TBC1D9B: variants seen among roughly 807,000 people sequenced by gnomAD.
TBC1D9B encodes the protein TBC1 domain family member 9B.
TBC1D9B carries 87 observed loss-of-function variants against 121.1 expected under a neutral mutation model. The ratio of observed to expected loss-of-function variants is 0.72; its 90% CI spans 0.60 to 0.86. The LOEUF (loss-of-function observed/expected upper bound fraction) is 0.86. Among genes scored for constraint, TBC1D9B ranks in the 40% least tolerant of loss-of-function variants. The pLI is 0.00. For missense variants in TBC1D9B, 1,540 were observed against 1,628.6 expected, an observed-to-expected ratio of 0.95 and a Z score of 0.94; for synonymous variants, 668 against 670.1, an observed-to-expected ratio of 1.00 and a Z score of 0.05.
rs1333173737 is a variant in TBC1D9B, at chr5:179,879,753, C to T, written c.1291G>A (p.Ala431Thr). Residue 431 changes from alanine to threonine, a missense_variant, in exon 8 of 21, where the codon GCC becomes ACC. Ala to Thr is a moderately conservative substitution (Grantham distance 58, BLOSUM62 0). Coordinates refer to ENST00000355235, the MANE Select transcript of TBC1D9B (RefSeq NM_015043.4). ...PAPQEGSEQPASPASPLSSRQ... is the reference protein window; with the variant it reads ...PAPQEGSEQPTSPASPLSSRQ... ...CTGCTGAGGGGAGAGGCTGGGCTGG[C>T]GGGCTGCTCCGACCCCTCCTGAGGA... 1.1e-5 allele frequency: 18 copies of T among 1,613,592 alleles called. No homozygotes were observed. Among genetic ancestry groups the T allele is most frequent in the African/African-American group, 2.7e-5 (2 of 74,932 alleles).
In TBC1D9B at chr5:179,891,361, C is replaced by T. The variant is rs1760855310; in HGVS notation, c.1044+18G>A. 1 of 1,613,930 alleles carries T rather than the reference C, an allele frequency of 6.2e-7. No individual in the cohort carries two copies. The highest frequency in any genetic ancestry group is 8.5e-7 in the Non-Finnish European group (1 of 1,179,988). On this transcript the variant is annotated intron_variant, in intron 6 of 20. Coordinates refer to ENST00000355235, the MANE Select transcript of TBC1D9B (RefSeq NM_015043.4). The surrounding 1 kb of genome is among the most constrained non-coding windows in gnomAD (Gnocchi z 4.3). The stretch of plus-strand genomic sequence containing the variant: ...CGGGGCTGGAAAGGCCTTGGCCTCT[C>T]AACTAGGGGATGCTGACCTCCCTCA...
rs1761363414 is a variant in TBC1D9B at position 179,907,659 on chromosome 5, C to T, written c.118+45G>A. The T allele has an allele frequency of 1.1e-6, 1 of 950,242 alleles. No homozygotes were observed. Among genetic ancestry groups the T allele is most frequent in the Non-Finnish European group, 1.3e-6 (1 of 799,492 alleles). 58.9% of individuals were successfully genotyped at this position (950,242 alleles called of 1,614,324 possible). ...CGCCCGCCGCCAGCCCCGCCGCCAG[C>T]CCAGCCGCGGCGCCCACAGGCCCGG... On this transcript the variant is annotated intron_variant, in intron 1 of 20. Coordinates refer to ENST00000355235, the MANE Select transcript of TBC1D9B (RefSeq NM_015043.4). This position sits in a 1 kb window ranked among gnomAD's most constrained non-coding sequence, Gnocchi z 5.3.
intron 1 of TBC1D9B, among the ~76,000 whole-genome samples, chr5:179,906,887 G>A (rs533121100): frequency 2.6e-5 from 4 of 152,378 alleles, no homozygotes; most frequent in African/African-American, 9.6e-5. Context: ...GCCCCGAAGA[G>A]CACAGGCACT....
In TBC1D9B at chr5:179,863,493, C is replaced by A. The variant is rs559074520; in HGVS notation, c.3657G>T (p.Gln1219His). 6.2e-6 allele frequency: 10 copies of A among 1,614,204 alleles called. No individual in the cohort carries two copies. In the African/African-American group the frequency reaches 9.3e-5, roughly 15 times the overall value. ...GCTCATGGTCACTGGCGGTGCTGAA[C>A]TGTCTCTCCACTTTCTTTTGGTCCT... ...KIKDQKKVER[Q>H]FSTASDHEQP... The change falls in exon 21 of 21, where the codon CAG (glutamine) becomes CAT (histidine). Residue 1219 changes from glutamine (Q) to histidine (H), a missense_variant. Coordinates refer to ENST00000355235, the MANE Select transcript of TBC1D9B (RefSeq NM_015043.4). This position sits in a 1 kb window ranked among gnomAD's most constrained non-coding sequence, Gnocchi z 4.5.
At chr5:179,882,088 G>C (rs549031250) in intron 7 of TBC1D9B, among the ~76,000 whole-genome samples, 1 of 152,066 alleles carries the variant, frequency 6.6e-6, no homozygotes, top group Non-Finnish European at 1.5e-5. Context: ...GGGATTACAG[G>C]TGTGTGCCAC....
At chr5:179,869,253 G>A (rs1237086038) in intron 17 of TBC1D9B, 3 of 274,682 alleles carry the variant, frequency 1.1e-5, no homozygotes, top group East Asian at 2.0e-4. Flanking sequence ...CCTCCTTGGA[G>A]CATTGTCCAT....
At chr5:179,868,115 G>A in intron 17 of TBC1D9B, 1 of 284,172 alleles carries the variant, frequency 3.5e-6, no homozygotes, top group Non-Finnish European at 6.5e-6. Context: ...TCAGCTCACT[G>A]CAAGCTCCGC....
chr5:179,886,573 C>A (rs1443454611), intron 7 of TBC1D9B, among the ~76,000 whole-genome samples: 1 of 152,234 alleles, frequency 6.6e-6, no homozygotes, highest in Non-Finnish European at 1.5e-5. Flanking sequence ...CACCCCTTCC[C>A]ATGCGCTCAC....
chr5:179,887,229 A>G (rs1760715576), intron 7 of TBC1D9B, among the ~76,000 whole-genome samples: 1 of 152,256 alleles, frequency 6.6e-6, no homozygotes. Context: ...CGCTGGATCC[A>G]GGCATATTCT....
At chr5:179,884,455 T>C (rs1760623418) in intron 7 of TBC1D9B, 1 of 152,146 alleles carries the variant, frequency 6.6e-6, no homozygotes, top group African/African-American at 2.4e-5. Context: ...GGATAGAGCA[T>C]AGCACGGAGG....
At chr5:179,876,931 C>T (rs1006305543) in intron 10 of TBC1D9B, among the ~76,000 whole-genome samples, 6 of 150,614 alleles carry the variant, frequency 4.0e-5, no homozygotes, top group Admixed American at 3.3e-4. Context: ...AGTAACTGGG[C>T]GTGGTGGTGT....
At chr5:179,883,317 T>G (rs1042322573) in intron 7 of TBC1D9B, among the ~76,000 whole-genome samples, 3 of 152,260 alleles carry the variant, frequency 2.0e-5, no homozygotes, top group Admixed American at 2.0e-4. Context: ...TTCTATTATC[T>G]GTTATTCCAC....
chr5:179,862,252 G>C lies in TBC1D9B; in HGVS notation c.*1196C>G, dbSNP rs1392459584. ...GTTTTAGATATCCACTGTATCCCCT[G>C]TGGATAAGGGGGTAACTGCTGTATC... On this transcript the variant is annotated 3_prime_UTR_variant, in exon 21 of 21. Coordinates refer to ENST00000355235, the MANE Select transcript of TBC1D9B (RefSeq NM_015043.4). 2 of 240,052 alleles carry C rather than the reference G, an allele frequency of 8.3e-6. No homozygotes were observed. Among genetic ancestry groups the C allele is most frequent in the East Asian group, 1.7e-4 (2 of 11,980 alleles). 14.9% of individuals were successfully genotyped at this position (240,052 alleles called of 1,614,324 possible).
chr5:179,863,947 T>C lies in TBC1D9B; in HGVS notation c.3203A>G (p.Glu1068Gly), dbSNP rs751743000. The C allele has an allele frequency of 6.2e-7, 1 of 1,613,870 alleles. No individual in the cohort carries two copies. The highest frequency in any genetic ancestry group is 1.1e-5 in the South Asian group (1 of 91,080). The change falls in exon 21 of 21, where the codon GAG becomes GGG. Residue 1068 changes from glutamate (E) to glycine (G), a missense_variant. Coordinates refer to ENST00000355235, the MANE Select transcript of TBC1D9B (RefSeq NM_015043.4). This position sits in a 1 kb window ranked among gnomAD's most constrained non-coding sequence, Gnocchi z 4.5. ...CTGATGCAGTTCGGGTGCTGGTGGC[T>C]CGTCCTCCTCAGTGGCACAGTCCCT... The part of the protein sequence containing the change: ...KPRDCATEED[E>G]PPAPELHQDA...
chr5:179,885,236 A>C lies in TBC1D9B; in HGVS notation c.1254+2867T>G, dbSNP rs1760643494. ...TAAATTATTGAGATTAATTTTAACA[A>C]TATATTTGACTTAATCCAATATATC... On this transcript the variant is annotated intron_variant, in intron 7 of 20. Coordinates refer to ENST00000355235, the MANE Select transcript of TBC1D9B (RefSeq NM_015043.4). The surrounding 1 kb of genome is among the most constrained non-coding windows in gnomAD (Gnocchi z 4.5). Among the ~76,000 whole-genome samples, 1 of 152,228 alleles carries C rather than the reference A, an allele frequency of 6.6e-6. No individual in the cohort carries two copies. The highest frequency in any genetic ancestry group is 2.4e-5 in the African/African-American group (1 of 41,470).
At chr5:179,905,825 G>A (rs1761294611) in intron 1 of TBC1D9B, among the ~76,000 whole-genome samples, 1 of 152,148 alleles carries the variant, frequency 6.6e-6, no homozygotes, top group East Asian at 1.9e-4. Context: ...CATTTTTCCT[G>A]TTGATGTCAG....
Position 179,865,963 on chromosome 5 carries a change from G to A in TBC1D9B, c.2864-75C>T, listed in dbSNP as rs749459241. On this transcript the variant is annotated intron_variant, in intron 18 of 20. Transcript: ENST00000355235. The surrounding 1 kb of genome is among the most constrained non-coding windows in gnomAD (Gnocchi z 5.1). ...GACTGCAAGCTCCTGGGGTCCTTGA[G>A]ATGTAGTCTGTGTTTCTGTACAGCC... 4.5e-6 allele frequency: 7 copies of A among 1,569,756 alleles called. No individual in the cohort carries two copies. Among genetic ancestry groups the A allele is most frequent in the Admixed American group, 1.7e-5 (1 of 59,614 alleles).
Position 179,890,941 on chromosome 5 carries a change from C to T in TBC1D9B, c.1044+438G>A, listed in dbSNP as rs146313450. On this transcript the variant is annotated intron_variant, in intron 6 of 20. Coordinates refer to ENST00000355235, the MANE Select transcript of TBC1D9B (RefSeq NM_015043.4). The surrounding 1 kb of genome is among the most constrained non-coding windows in gnomAD (Gnocchi z 5.0). ...GCCGACCTCTGATGGCCTGCTGGAG[C>T]CGAGCCACGCCAAGGTGGTATGTCC... Among the ~76,000 whole-genome samples the T allele has an allele frequency of 4.5e-4, 69 of 152,342 alleles. No homozygotes were observed. The highest frequency in any genetic ancestry group is 1.4e-3 in the African/African-American group (60 of 41,576).
intron 3 of TBC1D9B, among the ~76,000 whole-genome samples, chr5:179,896,703 T>C (rs1462861430): frequency 6.6e-6 from 1 of 152,082 alleles, no homozygotes; most frequent in Non-Finnish European, 1.5e-5. Context: ...TTTATATTTT[T>C]AGTAGAGACA....
Sources: gnomAD v4.1 joint callset for allele counts (sites outside exome capture counted in the v4.1 genomes callset) on GRCh38, gnomAD v4.1.1 for gene constraint, Gnocchi (gnomAD v3.1) non-coding constraint, MANE v1.5 for transcripts, NCBI Gene and HGNC (gene_info 2026-07-23, HGNC 2026-07-21) for gene names.